Variants in GRID2 observed in about 807,000 individuals in gnomAD.
GRID2 encodes the protein glutamate ionotropic receptor delta type subunit 2, also known as glutamate receptor ionotropic, delta-2.
A neutral mutation model predicts 114.8 loss-of-function variants in GRID2; 33 were observed. That is an observed-to-expected ratio of 0.29 (90% CI 0.22 to 0.38). The LOEUF (loss-of-function observed/expected upper bound fraction) is 0.38. GRID2 is among the 10% of genes least tolerant of loss of function. The pLI, the probability that GRID2 is intolerant of heterozygous loss-of-function variation, is 1.00. For missense variants in GRID2, 1,184 were observed against 1,257.7 expected, an observed-to-expected ratio of 0.94 and a Z score of 0.89; for synonymous variants, 505 against 449.9, an observed-to-expected ratio of 1.12 and a Z score of -1.55.
intron 2 of GRID2, among the ~76,000 whole-genome samples, chr4:92,655,683 T>C (rs1347718922): frequency 1.3e-5 from 2 of 151,808 alleles, no homozygotes; most frequent in Non-Finnish European, 2.9e-5. Context: ...TACTTCATTA[T>C]TGATGGCTAG....
At chr4:93,696,270 C>T (rs887914475) in intron 14 of GRID2, among the ~76,000 whole-genome samples, 3 of 147,982 alleles carry the variant, frequency 2.0e-5, no homozygotes, top group Non-Finnish European at 4.5e-5. Flanking sequence ...GCTGGCTTCT[C>T]TCTCAAACTG....
At chr4:93,721,039 A>T (rs1560942179) in intron 14 of GRID2, among the ~76,000 whole-genome samples, 1 of 152,182 alleles carries the variant, frequency 6.6e-6, no homozygotes. Flanking sequence ...CCCCATTTTT[A>T]AAAATTCAGA....
intron 2 of GRID2, among the ~76,000 whole-genome samples, chr4:93,030,677 G>A (rs757795207): frequency 2.0e-5 from 3 of 151,972 alleles, no homozygotes; most frequent in Non-Finnish European, 2.9e-5. Flanking sequence ...GAGACACCAC[G>A]CCCAGCTAGA....
At chr4:93,746,868 A>G (rs1033862241) in intron 14 of GRID2, among the ~76,000 whole-genome samples, 3 of 152,060 alleles carry the variant, frequency 2.0e-5, no homozygotes, top group African/African-American at 7.2e-5. Context: ...TTGTCTTGAA[A>G]ATTCCCTAAG....
chr4:92,380,715 C>T (rs1579269007), intron 1 of GRID2, among the ~76,000 whole-genome samples: 1 of 152,030 alleles, frequency 6.6e-6, no homozygotes. Flanking sequence ...AGTGTGGAGT[C>T]ATATGATGTA....
chr4:93,726,270 GGTTTGTCAA>G, intron 14 of GRID2, among the ~76,000 whole-genome samples: 1 of 152,278 alleles, frequency 6.6e-6, no homozygotes, highest in Non-Finnish European at 1.5e-5. Flanking sequence ...GTTTTTGTCA[GGTTTGTCAA>G]AGATCAGATA....
intron 8 of GRID2, among the ~76,000 whole-genome samples, chr4:93,272,534 A>C (rs1481640504): frequency 1.3e-5 from 2 of 152,196 alleles, no homozygotes; most frequent in East Asian, 3.9e-4. Flanking sequence ...TGGTCTGAGA[A>C]GGAGGTCATA....
chr4:93,803,632 G>T (rs1162182535), intron 1 of GRID2, among the ~76,000 whole-genome samples: 1 of 151,954 alleles, frequency 6.6e-6, no homozygotes, highest in African/African-American at 2.4e-5. Flanking sequence ...TGAGGCAGAA[G>T]AATCGCTTGA....
At chr4:92,360,798 A>G (rs1468831298) in intron 1 of GRID2, among the ~76,000 whole-genome samples, 1 of 151,956 alleles carries the variant, frequency 6.6e-6, no homozygotes, top group Non-Finnish European at 1.5e-5. Context: ...TCTCTTAAAA[A>G]ATCACATTGG....
chr4:92,961,029 A>G (rs1752761731), intron 2 of GRID2, among the ~76,000 whole-genome samples: 1 of 151,952 alleles, frequency 6.6e-6, no homozygotes, highest in Non-Finnish European at 1.5e-5. Flanking sequence ...TAGTGCAGGT[A>G]CCTTACAATA....
intron 14 of GRID2, among the ~76,000 whole-genome samples, chr4:93,670,555 G>A (rs948343820): frequency 4.6e-5 from 7 of 152,064 alleles, no homozygotes; most frequent in Non-Finnish European, 8.8e-5. Flanking sequence ...TGAATGTCTC[G>A]AAGCTGAATT....
intron 2 of GRID2, among the ~76,000 whole-genome samples, chr4:92,950,775 T>C (rs980037455): frequency 7.9e-5 from 12 of 152,334 alleles, no homozygotes; most frequent in Middle Eastern, 3.4e-3. Context: ...TTGATGTCAT[T>C]TCGTGTAGTG....
At chr4:93,279,584 T>C (rs915886694) in intron 8 of GRID2, among the ~76,000 whole-genome samples, 1 of 151,918 alleles carries the variant, frequency 6.6e-6, no homozygotes, top group African/African-American at 2.4e-5. Flanking sequence ...CTATTATGAG[T>C]CGAGAAACTA....
At chr4:92,413,537 G>A (rs1156276910) in intron 1 of GRID2, among the ~76,000 whole-genome samples, 2 of 152,028 alleles carry the variant, frequency 1.3e-5, no homozygotes, top group African/African-American at 2.4e-5. Context: ...AAATCAAAAG[G>A]AAGAAAGGTG....
At chr4:93,766,868 A>T (rs1733717782) in intron 14 of GRID2, among the ~76,000 whole-genome samples, 1 of 152,150 alleles carries the variant, frequency 6.6e-6, no homozygotes, top group South Asian at 2.1e-4. Context: ...CAGTATTGCT[A>T]ACTATAGTTA....
chr4:92,737,900 T>C (rs183964459), intron 2 of GRID2, among the ~76,000 whole-genome samples: 188 of 152,276 alleles, frequency 1.2e-3, no homozygotes, highest in Middle Eastern at 0.01. Context: ...TCTTTCAGTG[T>C]ATTGCCTCCA....
Position 93,458,073 on chromosome 4 carries a change from C to G in GRID2, c.1858+2099C>G, listed in dbSNP as rs141844755. 3.0e-3 allele frequency among the ~76,000 whole-genome samples: 463 copies of G among 152,266 alleles called. 2 individuals carry two copies. Among genetic ancestry groups the G allele is most frequent in the African/African-American group, 0.011 (444 of 41,564 alleles). On this transcript the variant is annotated intron_variant, in intron 11 of 15. Coordinates refer to ENST00000282020, the MANE Select transcript of GRID2 (RefSeq NM_001510.4). Reference sequence around the variant, plus strand: ...ATTGCAAACTCCTGATTGAGGACCACTGGCCCATACAAAGCCTAGGACAGA... The same window carrying G: ...ATTGCAAACTCCTGATTGAGGACCAGTGGCCCATACAAAGCCTAGGACAGA...
intron 14 of GRID2, among the ~76,000 whole-genome samples, chr4:93,754,133 A>T (rs1324870769): frequency 1.3e-5 from 2 of 152,186 alleles, no homozygotes; most frequent in East Asian, 1.9e-4. Context: ...ATATTTAAAC[A>T]TAAAAAGATA....
At chr4:92,466,338 A>T (rs1486808957) in intron 1 of GRID2, among the ~76,000 whole-genome samples, 1 of 151,860 alleles carries the variant, frequency 6.6e-6, no homozygotes, top group Non-Finnish European at 1.5e-5. Flanking sequence ...TTGTACAGAG[A>T]GTTAAAACTA....
Sources: gnomAD v4.1 joint callset for allele counts (sites outside exome capture counted in the v4.1 genomes callset) on GRCh38, gnomAD v4.1.1 for gene constraint, MANE v1.5 for transcripts, NCBI Gene and HGNC (gene_info 2026-07-23, HGNC 2026-07-21) for gene names.